SLC12A8: variants seen among roughly 807,000 people sequenced by gnomAD.
The protein encoded by SLC12A8 is solute carrier family 12 member 8.
SLC12A8 carries 69 observed loss-of-function variants against 75.6 expected under a neutral mutation model. The observed-to-expected ratio is 0.91, with a 90% CI of 0.75 to 1.11. The LOEUF is 1.11. Ranked by LOEUF, SLC12A8 falls within the 50% of genes most tolerant of loss-of-function variation. The pLI, the probability that SLC12A8 is intolerant of heterozygous loss-of-function variation, is 0.00. For missense variants in SLC12A8, 877 were observed against 896.7 expected (o/e 0.98, Z 0.28); for synonymous variants, 365 against 372.8 (o/e 0.98, Z 0.24).
chr3:125,176,049 C>T (rs2993633), intron 5 of SLC12A8, among the ~76,000 whole-genome samples: 6,446 of 148,106 alleles, frequency 0.044, 215 homozygotes, highest in Admixed American at 0.076. Flanking sequence ...GGATGCCAAC[C>T]GAATGCTGAC....
intron 5 of SLC12A8, among the ~76,000 whole-genome samples, chr3:125,166,983 A>G (rs570666421): frequency 6.6e-6 from 1 of 152,320 alleles, no homozygotes; most frequent in African/African-American, 2.4e-5. Flanking sequence ...GGGGTCGGTG[A>G]AGGTACAGCT....
intron 2 of SLC12A8, among the ~76,000 whole-genome samples, chr3:125,203,186 C>G (rs991660407): frequency 6.0e-5 from 9 of 151,216 alleles, no homozygotes; most frequent in African/African-American, 2.2e-4. Context: ...AATACAATCC[C>G]TATTGAAATA....
rs6773138 is a variant in SLC12A8 at position 125,107,564 on chromosome 3, T to C, written c.1622A>G (p.Lys541Arg). The C allele has an allele frequency of 0.048, 77,321 of 1,614,058 alleles. 4,010 individuals are homozygous for C. The highest frequency in any genetic ancestry group is 0.25 in the African/African-American group (19,074 of 74,962). The change falls in exon 10 of 14, where the codon AAG (lysine) becomes AGG (arginine). Residue 541 changes from lysine to arginine, a missense_variant. Coordinates refer to ENST00000469902, the MANE Select transcript of SLC12A8 (RefSeq NM_024628.6). ...QESCWNKQTS[K>R]SEGTQPEGTY... Reference sequence around the variant, plus strand: ...TCCCTCAGGCTGAGTCCCTTCGCTCTTGGAAGTCTGCTTGTTCCAGCAGGA... The same window carrying C: ...TCCCTCAGGCTGAGTCCCTTCGCTCCTGGAAGTCTGCTTGTTCCAGCAGGA...
intron 10 of SLC12A8, among the ~76,000 whole-genome samples, chr3:125,104,585 G>T (rs1362982965): frequency 1.3e-5 from 2 of 151,104 alleles, no homozygotes; most frequent in East Asian, 3.9e-4. Context: ...GATAATTGTG[G>T]CATAGACTGA....
At chr3:125,147,208 A>G (rs1433219437) in intron 5 of SLC12A8, among the ~76,000 whole-genome samples, 2 of 152,188 alleles carry the variant, frequency 1.3e-5, no homozygotes, top group Non-Finnish European at 1.5e-5. Flanking sequence ...TTTCCTGGTC[A>G]CTGGGACCCA....
chr3:125,190,496 C>A lies in SLC12A8; in HGVS notation c.77G>T (p.Trp26Leu), dbSNP rs941175025. ...QQDALAQPQP[W>L]WKTQLFMWEP... ...CCACATGAACAGCTGGGTCTTCCAC[C>A]AGGGCTGGGGCTGGGCCAGGGCATC... Residue 26 changes from tryptophan to leucine, a missense_variant, in exon 3 of 14, where the codon TGG (tryptophan) becomes TTG (leucine). By Grantham distance (61) the Trp-to-Leu change is moderately conservative (BLOSUM62 -2). Coordinates refer to ENST00000469902, the MANE Select transcript of SLC12A8 (RefSeq NM_024628.6). The A allele has an allele frequency of 5.0e-6, 8 of 1,614,080 alleles. No individual in the cohort carries two copies. In the African/African-American group the frequency reaches 1.1e-4, roughly 22 times the overall value.
intron 5 of SLC12A8, among the ~76,000 whole-genome samples, chr3:125,169,274 A>T (rs682815): frequency 0.98 from 149,909 of 152,260 alleles, 73,842 homozygotes; most frequent in East Asian, 1. Flanking sequence ...AAATTAAGTT[A>T]TCGTGCTATT....
Position 125,091,623 on chromosome 3 carries a change from C to T in SLC12A8, c.1804-67G>A, listed in dbSNP as rs1938584968. On this transcript the variant is annotated intron_variant, in intron 11 of 13. Coordinates refer to ENST00000469902, the MANE Select transcript of SLC12A8 (RefSeq NM_024628.6). Reference sequence around the variant, plus strand: ...TCTACATGGTAAGCAAGCCACAAGGCTAATGTCTTCAGCAACAACATTCCC... The same window carrying T: ...TCTACATGGTAAGCAAGCCACAAGGTTAATGTCTTCAGCAACAACATTCCC... The T allele has an allele frequency of 4.0e-6, 4 of 1,008,632 alleles. No homozygotes were observed. The South Asian group carries it at 5.1e-5, about 13-fold the overall frequency. 62.5% of individuals were successfully genotyped at this position (1,008,632 alleles called of 1,614,324 possible).
At chr3:125,100,267 T>A (rs191655039) in intron 10 of SLC12A8, among the ~76,000 whole-genome samples, 1 of 152,168 alleles carries the variant, frequency 6.6e-6, no homozygotes, top group Non-Finnish European at 1.5e-5. Context: ...CCAAATTTGA[T>A]GAAAAACTTT....
chr3:125,096,145 T>C (rs1938705885), intron 10 of SLC12A8, among the ~76,000 whole-genome samples: 1 of 152,194 alleles, frequency 6.6e-6, no homozygotes, highest in South Asian at 2.1e-4. Flanking sequence ...TGGACTTTTT[T>C]ACATGCCAGG....
At chr3:125,092,548 A>G (rs937439901) in intron 10 of SLC12A8, among the ~76,000 whole-genome samples, 2 of 152,116 alleles carry the variant, frequency 1.3e-5, no homozygotes, top group Admixed American at 6.6e-5. Flanking sequence ...CTTGGCTTCC[A>G]GGTGTGACCA....
chr3:125,181,577 C>T (rs1317764501), intron 4 of SLC12A8, among the ~76,000 whole-genome samples: 9 of 127,464 alleles, frequency 7.1e-5, no homozygotes, highest in Admixed American at 3.5e-4. Context: ...GTCCGCAGTC[C>T]GGCCTGGGCG....
chr3:125,105,856 C>T (rs544635794), intron 10 of SLC12A8, among the ~76,000 whole-genome samples: 1 of 152,132 alleles, frequency 6.6e-6, no homozygotes, highest in Non-Finnish European at 1.5e-5. Context: ...ATGGTGAAAC[C>T]CCATCTCTAC....
At chr3:125,108,376 TTTC>T (rs1939097536) in intron 9 of SLC12A8, among the ~76,000 whole-genome samples, 1 of 152,126 alleles carries the variant, frequency 6.6e-6, no homozygotes, top group South Asian at 2.1e-4. Context: ...TTTTTTTTTT[TTTC>T]TTTTTTTGAG....
intron 2 of SLC12A8, among the ~76,000 whole-genome samples, chr3:125,198,588 T>A (rs552592866): frequency 7.0e-6 from 1 of 143,484 alleles, no homozygotes; most frequent in East Asian, 2.1e-4. Context: ...AGCCGAGATC[T>A]CACCACTGAA....
At chr3:125,118,674 G>T in intron 8 of SLC12A8, 95 bp downstream of exon 8, 1 of 801,982 alleles carries the variant, frequency 1.2e-6, no homozygotes, top group Non-Finnish European at 2.1e-6. Context: ...TGGATTCCCA[G>T]ACAGTACTGC....
At chr3:125,144,369 G>T (rs1163259626) in intron 5 of SLC12A8, among the ~76,000 whole-genome samples, 1 of 152,172 alleles carries the variant, frequency 6.6e-6, no homozygotes, top group African/African-American at 2.4e-5. Flanking sequence ...AGCAGTGCTT[G>T]TCCAAGGCTG....
intron 5 of SLC12A8, among the ~76,000 whole-genome samples, chr3:125,155,379 G>A (rs746338862): frequency 1.3e-5 from 2 of 152,052 alleles, no homozygotes; most frequent in South Asian, 4.2e-4. Flanking sequence ...TATTAATTTC[G>A]GCGAGGCTGT....
intron 12 of SLC12A8, among the ~76,000 whole-genome samples, chr3:125,089,014 T>C (rs890098352): frequency 1.3e-5 from 2 of 152,226 alleles, no homozygotes; most frequent in African/African-American, 2.4e-5. Flanking sequence ...AAAATTCACA[T>C]AGTAAATTAT....
Sources: gnomAD v4.1 joint callset for allele counts (sites outside exome capture counted in the v4.1 genomes callset) on GRCh38, gnomAD v4.1.1 for gene constraint, MANE v1.5 for transcripts, NCBI Gene and HGNC (gene_info 2026-07-23, HGNC 2026-07-21) for gene names.